The following ZNF143 variants were observed in gnomAD, a reference collection of about 807,000 sequenced individuals.
ZNF143 encodes the protein zinc finger protein 143, also known as SPH-binding factor.
In ZNF143, 49 loss-of-function variants were observed where a neutral mutation model predicts 74.1. That is an observed-to-expected ratio of 0.66 (90% CI 0.53 to 0.84). The LOEUF is 0.84. Among genes scored for constraint, ZNF143 ranks in the 40% least tolerant of loss-of-function variants. ZNF143 has a pLI of 0.00. For missense variants in ZNF143, 637 were observed against 793.4 expected, an observed-to-expected ratio of 0.80 and a Z score of 2.37; for synonymous variants, 304 against 282.8, an observed-to-expected ratio of 1.07 and a Z score of -0.75.
chr11:9,469,018 C>G (rs910717065), intron 1 of ZNF143, among the ~76,000 whole-genome samples: 2 of 151,642 alleles, frequency 1.3e-5, no homozygotes, highest in African/African-American at 4.8e-5. Context: ...CCTGTAATCC[C>G]AGTTACTCGG....
chr11:9,517,468 T>TA, intron 14 of ZNF143, among the ~76,000 whole-genome samples: 1 of 152,182 alleles, frequency 6.6e-6, no homozygotes, highest in African/African-American at 2.4e-5. Flanking sequence ...GGTGCAAAGA[T>TA]ACATGTATTC....
At chr11:9,461,232 G>T (rs1855808339) in intron 1 of ZNF143, among the ~76,000 whole-genome samples, 156 bp downstream of exon 1, 1 of 152,202 alleles carries the variant, frequency 6.6e-6, no homozygotes, top group Non-Finnish European at 1.5e-5. Flanking sequence ...GGCCGCGGTA[G>T]CGGCGTCTGG....
At chr11:9,491,231 C>T (rs1483573272) in intron 7 of ZNF143, among the ~76,000 whole-genome samples, 1 of 151,456 alleles carries the variant, frequency 6.6e-6, no homozygotes, top group Admixed American at 6.6e-5. Context: ...TAAAATGAAA[C>T]AAGAAAAAGA....
intron 1 of ZNF143, among the ~76,000 whole-genome samples, chr11:9,467,866 AGT>A (rs1856339958): frequency 6.7e-6 from 1 of 149,914 alleles, no homozygotes; most frequent in South Asian, 2.1e-4. Flanking sequence ...AAAAAAAAAA[AGT>A]TGTCTGTCAG....
At chr11:9,466,448 A>C (rs1326558840) in intron 1 of ZNF143, among the ~76,000 whole-genome samples, 1 of 150,238 alleles carries the variant, frequency 6.7e-6, no homozygotes, top group Non-Finnish European at 1.5e-5. Context: ...GGCGTCTGCC[A>C]CCACGCCTGG....
chr11:9,486,394 A>AT (rs1383355448), intron 7 of ZNF143, among the ~76,000 whole-genome samples: 17 of 20,570 alleles, frequency 8.3e-4, no homozygotes, highest in Middle Eastern at 0.018. Flanking sequence ...TATAATATAT[A>AT]TAATATATTA....
chr11:9,512,278 A>G (rs1848577034), intron 12 of ZNF143, among the ~76,000 whole-genome samples, 170 bp from the exon 13 acceptor site: 1 of 152,204 alleles, frequency 6.6e-6, no homozygotes, highest in South Asian at 2.1e-4. Context: ...TTGCCTTTGC[A>G]AAAGTGGAGG....
intron 5 of ZNF143, among the ~76,000 whole-genome samples, chr11:9,475,993 T>C (rs1402174080): frequency 6.6e-6 from 1 of 151,372 alleles, no homozygotes; most frequent in African/African-American, 2.4e-5. Flanking sequence ...CCTACTATGT[T>C]TAATTGAAAC....
At chr11:9,505,827 C>T (rs1275277599) in intron 11 of ZNF143, among the ~76,000 whole-genome samples, 1 of 135,432 alleles carries the variant, frequency 7.4e-6, no homozygotes, top group Non-Finnish European at 1.5e-5. Flanking sequence ...TGTAGTGAGT[C>T]AAGATCATGC....
intron 7 of ZNF143, among the ~76,000 whole-genome samples, chr11:9,490,654 G>GA (rs368385197): frequency 3.3e-5 from 5 of 149,710 alleles, no homozygotes; most frequent in Non-Finnish European, 7.4e-5. Context: ...TATAATACAT[G>GA]AAAAAAAAAT....
intron 14 of ZNF143, among the ~76,000 whole-genome samples, chr11:9,517,686 C>A (rs754816259): frequency 2.0e-5 from 3 of 152,090 alleles, no homozygotes; most frequent in Non-Finnish European, 4.4e-5. Context: ...AAAAACTGTT[C>A]TTGTACTGTG....
At chr11:9,475,452 A>AT (rs903931895) in intron 5 of ZNF143, among the ~76,000 whole-genome samples, 5 of 151,426 alleles carry the variant, frequency 3.3e-5, no homozygotes, top group African/African-American at 4.8e-5. Context: ...TTTCTGATTA[A>AT]TTTTTTTTGT....
chr11:9,486,377 T>TATAATATATTA (rs1491241348), intron 7 of ZNF143, among the ~76,000 whole-genome samples: 1,246 of 36,886 alleles, frequency 0.034, 67 homozygotes, highest in Non-Finnish European at 0.052. Flanking sequence ...ATATAATATA[T>TATAATATATTA]TATATATATA....
At chr11:9,468,648 T>C (rs1856387307) in intron 1 of ZNF143, among the ~76,000 whole-genome samples, 1 of 152,208 alleles carries the variant, frequency 6.6e-6, no homozygotes, top group Non-Finnish European at 1.5e-5. Flanking sequence ...CACTGAATTA[T>C]ATTTAATTAA....
rs114536766 is a variant in ZNF143, at chr11:9,478,736, A to G, written c.570+150A>G. 3.3e-3 allele frequency: 2,626 copies of G among 799,702 alleles called. 55 individuals are homozygous for G. The African/African-American group carries it at 0.042, about 13-fold the overall frequency. 49.5% of individuals were successfully genotyped at this position (799,702 alleles called of 1,614,324 possible). ...TGATGGCTCACGCCTATAACTTCCC[A>G]GCACTTTGGGAGGCCAAAGTGGGAG... On this transcript the variant is annotated intron_variant, in intron 6 of 15. Coordinates refer to ENST00000396602, the MANE Select transcript of ZNF143 (RefSeq NM_003442.6).
intron 14 of ZNF143, among the ~76,000 whole-genome samples, chr11:9,519,929 T>G (rs1220655842): frequency 6.6e-6 from 1 of 151,662 alleles, no homozygotes; most frequent in Non-Finnish European, 1.5e-5. Flanking sequence ...CTCACACCTG[T>G]AATCCCAGCA....
In ZNF143 at chr11:9,516,060, A is replaced by T. The variant is rs1265754277; in HGVS notation, c.1525-141A>T. 5 of 430,162 alleles carry T rather than the reference A, an allele frequency of 1.2e-5. No individual in the cohort carries two copies. The East Asian group carries it at 1.8e-4, about 15-fold the overall frequency. 26.6% of individuals were successfully genotyped at this position (430,162 alleles called of 1,614,324 possible). On this transcript the variant is annotated intron_variant, in intron 13 of 15. Transcript: ENST00000396602. ...AAATATTGTATTGATTTTTCTGATG[A>T]CTGAATGAGTTTATTTCATTCTAAA...
intron 13 of ZNF143, 36 bp downstream of exon 13, chr11:9,512,632 T>G: frequency 1.2e-6 from 2 of 1,608,748 alleles, no homozygotes; most frequent in East Asian, 2.2e-5. Context: ...AATTAAATCT[T>G]TCTGTGAACC....
At chr11:9,490,542 T>C (rs1847734331) in intron 7 of ZNF143, among the ~76,000 whole-genome samples, 1 of 151,882 alleles carries the variant, frequency 6.6e-6, no homozygotes, top group African/African-American at 2.4e-5. Flanking sequence ...TGCTTCAATC[T>C]CTCAAAAGTG....
Sources: gnomAD v4.1 joint callset for allele counts (sites outside exome capture counted in the v4.1 genomes callset) on GRCh38, gnomAD v4.1.1 for gene constraint, MANE v1.5 for transcripts, NCBI Gene and HGNC (gene_info 2026-07-23, HGNC 2026-07-21) for gene names.